The following NUMB variants were observed in gnomAD, a reference collection of about 807,000 sequenced individuals.
The protein encoded by NUMB is NUMB endocytic adaptor protein, also known as protein numb homolog.
Under a neutral mutation model 59.7 loss-of-function variants are expected in NUMB, and 29 were observed. The observed-to-expected ratio is 0.49, with a 90% CI of 0.36 to 0.66. NUMB has a LOEUF of 0.66. NUMB is among the 30% of genes least tolerant of loss of function. The probability of loss-of-function intolerance (pLI) is 0.00; values close to 1 mark genes in which losing one functional copy is unlikely to be tolerated. For synonymous variants in NUMB, 288 were observed against 288.2 expected (o/e 1.00, Z 0.01); for missense variants, 723 against 822.0 (o/e 0.88, Z 1.47).
intron 6 of NUMB, among the ~76,000 whole-genome samples, chr14:73,303,654 C>T (rs1302005154): frequency 6.6e-6 from 1 of 151,912 alleles, no homozygotes; most frequent in Non-Finnish European, 1.5e-5. Flanking sequence ...AGTGGCAACA[C>T]AGATGTTCAG....
chr14:73,408,271 A>AT (rs1566784220), intron 2 of NUMB, among the ~76,000 whole-genome samples: 2 of 151,952 alleles, frequency 1.3e-5, no homozygotes, highest in African/African-American at 4.8e-5. Context: ...TTTACCAGAA[A>AT]TTTAGCAGGT....
chr14:73,405,444 T>C (rs1312686253), intron 2 of NUMB, among the ~76,000 whole-genome samples: 3 of 147,448 alleles, frequency 2.0e-5, no homozygotes, highest in Admixed American at 2.0e-4. Context: ...TCTTTTTTTT[T>C]TTTTTTTTTT....
At chr14:73,445,635 A>G (rs530273410) in intron 1 of NUMB, among the ~76,000 whole-genome samples, 6 of 152,310 alleles carry the variant, frequency 3.9e-5, no homozygotes, top group African/African-American at 1.4e-4. Flanking sequence ...GCAACAGTAA[A>G]TGTAGCTAAC....
intron 2 of NUMB, among the ~76,000 whole-genome samples, chr14:73,377,588 C>T (rs886719439): frequency 9.9e-5 from 15 of 151,982 alleles, no homozygotes; most frequent in Admixed American, 2.6e-4. Context: ...TGCAGTGAGC[C>T]GAGATCATGC....
intron 1 of NUMB, among the ~76,000 whole-genome samples, chr14:73,419,337 G>A (rs1388727849): frequency 1.3e-5 from 2 of 151,910 alleles, no homozygotes; most frequent in African/African-American, 2.4e-5. Flanking sequence ...GGTGAAACCC[G>A]GTCTCTACTA....
intron 4 of NUMB, among the ~76,000 whole-genome samples, chr14:73,340,730 T>C (rs1456470838): frequency 6.6e-6 from 1 of 152,210 alleles, no homozygotes; most frequent in African/African-American, 2.4e-5. Context: ...ATGAAAACTT[T>C]TACAATAAAC....
At chr14:73,429,768 C>A (rs138730780) in intron 1 of NUMB, among the ~76,000 whole-genome samples, 3,369 of 152,086 alleles carry the variant, frequency 0.022, 131 homozygotes, top group African/African-American at 0.075. Context: ...CATGGTGAAA[C>A]CCCGTCTCTA....
chr14:73,427,414 A>G (rs61985848), intron 1 of NUMB, among the ~76,000 whole-genome samples: 41,773 of 151,652 alleles, frequency 0.28, 6,329 homozygotes, highest in African/African-American at 0.39. Flanking sequence ...GCAGTGAGCC[A>G]AGATCGCGTC....
At chr14:73,346,011 AT>A (rs1281402550) in intron 4 of NUMB, among the ~76,000 whole-genome samples, 1 of 152,230 alleles carries the variant, frequency 6.6e-6, no homozygotes, top group Non-Finnish European at 1.5e-5. Flanking sequence ...CTAATGAAAA[AT>A]AACTATATTT....
intron 2 of NUMB, among the ~76,000 whole-genome samples, chr14:73,379,266 TTTTAA>T (rs1294962597): frequency 1.3e-5 from 2 of 152,214 alleles, no homozygotes; most frequent in African/African-American, 2.4e-5. Context: ...AAGTGTTGCT[TTTTAA>T]TTTAATTTAA....
intron 4 of NUMB, among the ~76,000 whole-genome samples, chr14:73,333,801 C>A (rs976841156): frequency 1.3e-5 from 2 of 151,852 alleles, no homozygotes; most frequent in East Asian, 3.9e-4. Context: ...GAATCCACTG[C>A]CAGATCCAAA....
chr14:73,298,991 T>G (rs1014168576), intron 6 of NUMB: 1 of 152,108 alleles, frequency 6.6e-6, no homozygotes, highest in Non-Finnish European at 1.5e-5. Context: ...CTTTGTGGAA[T>G]TGGGGAAGGT....
At chr14:73,316,160 C>T (rs1412952484) in intron 6 of NUMB, among the ~76,000 whole-genome samples, 5 of 152,148 alleles carry the variant, frequency 3.3e-5, no homozygotes, top group Admixed American at 2.0e-4. Context: ...CATGAGCCAC[C>T]GTGTCCAGCC....
intron 2 of NUMB, among the ~76,000 whole-genome samples, chr14:73,381,610 C>G (rs1006432837): frequency 3.3e-5 from 5 of 152,294 alleles, no homozygotes; most frequent in African/African-American, 9.6e-5. Context: ...TCTAACTAAG[C>G]CAGCTACCAC....
At chr14:73,397,000 T>C (rs1368387271) in intron 2 of NUMB, among the ~76,000 whole-genome samples, 1 of 152,078 alleles carries the variant, frequency 6.6e-6, no homozygotes. Flanking sequence ...GGCGCACACC[T>C]GTAATTCCAG....
At position 73,292,772 on chromosome 14, in the gene NUMB, G is replaced by A. The variant is rs1241020104; in HGVS notation, c.412C>T (p.Arg138Cys). ...GCCATGAAGCAGTGACAGATCCAGC[G>A]ACGAGTGGTGCCATCACGGCATATG... ...SYICRDGTTR[R>C]WICHCFMAVK... The change falls in exon 8 of 13, where the codon CGC becomes TGC. Residue 138 changes from arginine (R) to cysteine (C), a missense_variant. By Grantham distance (180) the Arg-to-Cys change is radical. Transcript: ENST00000555238. 6.2e-7 allele frequency: 1 copy of A among 1,614,194 alleles called. No individual in the cohort carries two copies. The highest frequency in any genetic ancestry group is 2.2e-5 in the East Asian group (1 of 44,892).
In NUMB at chr14:73,277,109, G is replaced by A; in HGVS notation, c.1425C>T (p.Ile475=). 6.2e-7 allele frequency: 1 copy of A among 1,614,126 alleles called. No individual in the cohort carries two copies. The highest frequency in any genetic ancestry group is 8.5e-7 in the Non-Finnish European group (1 of 1,180,032). Residue 475 remains isoleucine (I), a synonymous_variant, in exon 13 of 13, where the codon ATC becomes ATT. Transcript: ENST00000555238. ...CTTGGAAAGGTGATGCTGGCTGGGA[G>A]ATGGCAGTGGGTGGAGGAGGCTGGA... The part of the protein sequence containing the change: ...PVLQPPPPTA[I]SQPASPFQGN...
At chr14:73,362,398 A>C (rs919505942) in intron 3 of NUMB, among the ~76,000 whole-genome samples, 4 of 152,056 alleles carry the variant, frequency 2.6e-5, no homozygotes, top group Non-Finnish European at 5.9e-5. Context: ...GAGGAGGAAA[A>C]GGGGGAGGAG....
At chr14:73,337,622 T>C (rs943330587) in intron 4 of NUMB, among the ~76,000 whole-genome samples, 2 of 152,176 alleles carry the variant, frequency 1.3e-5, no homozygotes, top group African/African-American at 4.8e-5. Context: ...TTCTACCCAG[T>C]GCTGTACCAC....
Sources: allele counts gnomAD v4.1 joint callset (sites outside exome capture counted in the v4.1 genomes callset), GRCh38; gene constraint gnomAD v4.1.1; transcripts MANE v1.5; gene names NCBI Gene and HGNC (gene_info 2026-07-23, HGNC 2026-07-21).